Variants in TMEM108 observed in about 807,000 individuals in gnomAD.
TMEM108 encodes the protein transmembrane protein 108.
Under a neutral mutation model 35.1 loss-of-function variants are expected in TMEM108, and 12 were observed. The observed-to-expected ratio is 0.34, with a 90% CI of 0.22 to 0.55. The LOEUF (loss-of-function observed/expected upper bound fraction) is 0.55. Ranked by LOEUF, TMEM108 falls within the 20% of genes least tolerant of loss-of-function variation. The pLI, the probability that TMEM108 is intolerant of heterozygous loss-of-function variation, is 0.89. For missense variants in TMEM108, 680 were observed against 753.3 expected (o/e 0.90, Z 1.14); for synonymous variants, 287 against 308.6 (o/e 0.93, Z 0.73).
intron 2 of TMEM108, among the ~76,000 whole-genome samples, chr3:133,085,675 T>G (rs1334172967): frequency 6.6e-6 from 1 of 152,216 alleles, no homozygotes; most frequent in Non-Finnish European, 1.5e-5. Context: ...TTGAATCCTT[T>G]CTTGTATTCA....
intron 2 of TMEM108, among the ~76,000 whole-genome samples, chr3:133,206,689 G>A (rs956068063): frequency 2.0e-5 from 3 of 152,156 alleles, no homozygotes; most frequent in African/African-American, 7.2e-5. Context: ...GTCCCAGAGG[G>A]GCACCCACCA....
chr3:133,278,957 A>G (rs1946874037), intron 3 of TMEM108, among the ~76,000 whole-genome samples: 1 of 152,192 alleles, frequency 6.6e-6, no homozygotes, highest in Non-Finnish European at 1.5e-5. Flanking sequence ...GACATACATG[A>G]AAGTTTGAGG....
intron 2 of TMEM108, among the ~76,000 whole-genome samples, chr3:133,170,491 A>G (rs1458904751): frequency 6.6e-6 from 1 of 152,232 alleles, no homozygotes; most frequent in Non-Finnish European, 1.5e-5. Context: ...CAAAACTAGT[A>G]AAATGTGGTA....
intron 2 of TMEM108, among the ~76,000 whole-genome samples, chr3:133,116,869 A>T (rs1944294312): frequency 6.6e-6 from 1 of 152,196 alleles, no homozygotes; most frequent in African/African-American, 2.4e-5. Flanking sequence ...TCCTGGGTTC[A>T]AGCGATTCTC....
intron 2 of TMEM108, among the ~76,000 whole-genome samples, chr3:133,200,209 G>A (rs185225065): frequency 2.3e-4 from 35 of 152,248 alleles, no homozygotes; most frequent in African/African-American, 7.2e-4. Flanking sequence ...TACCCCTTGT[G>A]CTTACCAGGT....
chr3:133,291,611 A>T (rs1947070624), intron 3 of TMEM108, among the ~76,000 whole-genome samples: 1 of 152,042 alleles, frequency 6.6e-6, no homozygotes, highest in Admixed American at 6.6e-5. Context: ...GACAGCAGCA[A>T]CCTTCATGGA....
At chr3:133,387,937 A>G in intron 4 of TMEM108, 2 of 985,394 alleles carry the variant, frequency 2.0e-6, no homozygotes, top group Non-Finnish European at 2.4e-6. Flanking sequence ...ATATCTTTCT[A>G]CCTTAGAGAG....
intron 3 of TMEM108, among the ~76,000 whole-genome samples, chr3:133,328,303 C>A (rs188076689): frequency 4.8e-4 from 73 of 152,176 alleles, no homozygotes; most frequent in African/African-American, 1.6e-3. Context: ...CATGACCTTC[C>A]GATCACAAGA....
At chr3:133,394,676 C>T (rs896069193) in intron 5 of TMEM108, among the ~76,000 whole-genome samples, 8 of 152,230 alleles carry the variant, frequency 5.3e-5, no homozygotes, top group Non-Finnish European at 8.8e-5. Flanking sequence ...TTGAAGTGCT[C>T]CACTATTTTC....
intron 2 of TMEM108, among the ~76,000 whole-genome samples, chr3:133,072,161 C>T (rs955275585): frequency 6.6e-6 from 1 of 152,096 alleles, no homozygotes; most frequent in African/African-American, 2.4e-5. Flanking sequence ...CATTTCTAAG[C>T]TTACCAGATC....
intron 2 of TMEM108, among the ~76,000 whole-genome samples, chr3:133,087,817 A>G (rs1457078783): frequency 6.6e-6 from 1 of 152,172 alleles, no homozygotes; most frequent in African/African-American, 2.4e-5. Context: ...AGCAGCAACC[A>G]GAGAAGAGCT....
intron 2 of TMEM108, among the ~76,000 whole-genome samples, chr3:133,104,657 G>C (rs1431044241): frequency 6.6e-6 from 1 of 152,050 alleles, no homozygotes; most frequent in Non-Finnish European, 1.5e-5. Context: ...CTGCCTCCTG[G>C]GATCCATCAG....
chr3:133,340,243 G>C (rs1038933369), intron 3 of TMEM108, among the ~76,000 whole-genome samples: 1 of 151,504 alleles, frequency 6.6e-6, no homozygotes, highest in Non-Finnish European at 1.5e-5. Flanking sequence ...AATCAGAGAT[G>C]AAAAAGGAGA....
chr3:133,062,238 C>A (rs576423375), intron 2 of TMEM108, among the ~76,000 whole-genome samples: 2 of 152,196 alleles, frequency 1.3e-5, no homozygotes, highest in Non-Finnish European at 2.9e-5. Context: ...AAAATCATAA[C>A]CTGTTAACCC....
chr3:133,389,039 T>C, intron 4 of TMEM108: 3 of 985,536 alleles, frequency 3.0e-6, no homozygotes, highest in Non-Finnish European at 3.6e-6. Context: ...CCAGAGGCTC[T>C]GGTGATGATG....
At chr3:133,251,306 C>T (rs189649229) in intron 3 of TMEM108, among the ~76,000 whole-genome samples, 3 of 152,266 alleles carry the variant, frequency 2.0e-5, no homozygotes, top group Admixed American at 1.3e-4. Context: ...GATTATCCTT[C>T]TCCAAATCAA....
At chr3:133,231,194 T>C (rs1271118964) in intron 3 of TMEM108, among the ~76,000 whole-genome samples, 1 of 152,180 alleles carries the variant, frequency 6.6e-6, no homozygotes, top group East Asian at 1.9e-4. Context: ...CAATATGTTA[T>C]TTTATATAAC....
At chr3:133,056,725 T>G (rs924871715) in intron 2 of TMEM108, among the ~76,000 whole-genome samples, 1 of 152,182 alleles carries the variant, frequency 6.6e-6, no homozygotes, top group Admixed American at 6.5e-5. Flanking sequence ...ATTTTCCTCC[T>G]TCTACCTATG....
intron 3 of TMEM108, among the ~76,000 whole-genome samples, chr3:133,279,395 G>T (rs1946881940): frequency 6.6e-6 from 1 of 152,222 alleles, no homozygotes; most frequent in African/African-American, 2.4e-5. Context: ...AAGGTCACTT[G>T]CAAGTAAGAA....
Sources: gnomAD v4.1 joint callset for allele counts (sites outside exome capture counted in the v4.1 genomes callset) on GRCh38, gnomAD v4.1.1 for gene constraint, MANE v1.5 for transcripts, NCBI Gene and HGNC (gene_info 2026-07-23, HGNC 2026-07-21) for gene names.